CORIN: variants seen among roughly 807,000 people sequenced by gnomAD.
CORIN encodes the protein atrial natriuretic peptide-converting enzyme.
Under a neutral mutation model 125.3 loss-of-function variants are expected in CORIN, and 117 were observed. The ratio of observed to expected loss-of-function variants is 0.93; its 90% CI spans 0.80 to 1.09. The LOEUF is 1.09. Ranked by LOEUF, CORIN falls within the 50% of genes least tolerant of loss-of-function variation. The pLI, the probability that CORIN is intolerant of heterozygous loss-of-function variation, is 0.00. For missense variants in CORIN, 1,253 were observed against 1,306.7 expected (o/e 0.96, Z 0.63); for synonymous variants, 450 against 466.4 (o/e 0.96, Z 0.45).
intron 19 of CORIN, among the ~76,000 whole-genome samples, chr4:47,615,498 A>G (rs1326507449): frequency 6.6e-6 from 1 of 152,176 alleles, no homozygotes; most frequent in Admixed American, 6.6e-5. Context: ...GGAAATAGGG[A>G]CTTTATGGAG....
chr4:47,756,755 A>C (rs1418567181), intron 4 of CORIN, among the ~76,000 whole-genome samples: 1 of 152,236 alleles, frequency 6.6e-6, no homozygotes, highest in Non-Finnish European at 1.5e-5. Flanking sequence ...AAATTCTTAA[A>C]GTTAAAATCT....
At chr4:47,740,362 T>C (rs573499754) in intron 5 of CORIN, among the ~76,000 whole-genome samples, 1 of 152,060 alleles carries the variant, frequency 6.6e-6, no homozygotes, top group Admixed American at 6.5e-5. Context: ...TACTCATTAT[T>C]GACAGTGGAA....
chr4:47,757,878 G>GCA (rs1729238233), intron 4 of CORIN, among the ~76,000 whole-genome samples: 1 of 123,926 alleles, frequency 8.1e-6, no homozygotes. Flanking sequence ...ATATATATAT[G>GCA]TATATATATA....
At chr4:47,744,670 G>A (rs1458597386) in intron 4 of CORIN, 87 bp from the exon 5 acceptor site, 3 of 1,248,008 alleles carry the variant, frequency 2.4e-6, no homozygotes, top group African/African-American at 1.5e-5. Context: ...TAGCCCCTGT[G>A]TTGTGATATT....
At chr4:47,754,726 AT>A (rs1168593619) in intron 4 of CORIN, among the ~76,000 whole-genome samples, 1 of 152,058 alleles carries the variant, frequency 6.6e-6, no homozygotes, top group Non-Finnish European at 1.5e-5. Context: ...AGAAACTGAG[AT>A]TTGCACTGAA....
At chr4:47,728,004 G>C (rs980673474) in intron 5 of CORIN, among the ~76,000 whole-genome samples, 4 of 152,088 alleles carry the variant, frequency 2.6e-5, no homozygotes, top group African/African-American at 9.7e-5. Context: ...TTAACTTTTT[G>C]TTTAAATGTG....
intron 6 of CORIN, among the ~76,000 whole-genome samples, chr4:47,689,111 C>A (rs535271070): frequency 6.6e-6 from 1 of 152,260 alleles, no homozygotes; most frequent in African/African-American, 2.4e-5. Context: ...GCTGTCCCCA[C>A]GACTTCCAGT....
chr4:47,613,296 T>C (rs1721939759), intron 19 of CORIN, among the ~76,000 whole-genome samples: 1 of 152,026 alleles, frequency 6.6e-6, no homozygotes, highest in African/African-American at 2.4e-5. Context: ...CTACTAAAAA[T>C]GCAAAAATTA....
In CORIN at chr4:47,630,495, CCTAA is replaced by C. The variant is rs1481052135; in HGVS notation, c.2199-3978_2199-3975del. 2.6e-5 allele frequency among the ~76,000 whole-genome samples: 4 copies of C among 152,146 alleles called. 1 individual carries two copies. The highest frequency in any genetic ancestry group is 4.1e-4 in the South Asian group (2 of 4,828). On this transcript the variant is annotated intron_variant, in intron 16 of 21. Coordinates refer to ENST00000273857, the MANE Select transcript of CORIN (RefSeq NM_006587.4). ...AATTTAAGCATCAAAGTCACTGTAT[CCTAA>C]CTGAGTCTGTGCAGGTAATACAGAC...
intron 6 of CORIN, among the ~76,000 whole-genome samples, chr4:47,684,984 T>C (rs188970650): frequency 2.4e-4 from 37 of 152,130 alleles, no homozygotes; most frequent in African/African-American, 8.9e-4. Context: ...TAACTACACA[T>C]CCCTTAAAAT....
intron 5 of CORIN, chr4:47,706,925 T>C (rs1341211855): frequency 4.4e-6 from 7 of 1,599,786 alleles, no homozygotes; most frequent in Non-Finnish European, 5.9e-6. Context: ...CCACACTATT[T>C]GTGGTTCTCG....
intron 11 of CORIN, among the ~76,000 whole-genome samples, chr4:47,664,735 T>C (rs919393233): frequency 1.3e-5 from 2 of 152,106 alleles, no homozygotes; most frequent in Non-Finnish European, 2.9e-5. Flanking sequence ...CATACTTTTT[T>C]AAAAAAATGG....
At position 47,806,899 on chromosome 4, in the gene CORIN, C is replaced by A; in HGVS notation, c.208+4G>T. 1 of 1,609,444 alleles carries A rather than the reference C, an allele frequency of 6.2e-7. No individual in the cohort carries two copies. Among genetic ancestry groups the A allele is most frequent in the South Asian group, 1.1e-5 (1 of 90,018 alleles). The stretch of plus-strand genomic sequence containing the variant: ...CATTTTTATTTAATAATGGCCTCAC[C>A]CACCAACATAGGAAAGCAGGATCAC... On this transcript the variant is annotated splice_donor_region_variant and intron_variant, in intron 2 of 21. Coordinates refer to ENST00000273857, the MANE Select transcript of CORIN (RefSeq NM_006587.4).
intron 3 of CORIN, among the ~76,000 whole-genome samples, chr4:47,782,078 CA>C (rs1380785094): frequency 1.3e-5 from 2 of 151,724 alleles, no homozygotes; most frequent in Admixed American, 1.3e-4. Flanking sequence ...ATGTCTGACG[CA>C]AAAAATTGAT....
intron 13 of CORIN, among the ~76,000 whole-genome samples, chr4:47,647,113 A>G (rs1289395791): frequency 6.6e-6 from 1 of 152,170 alleles, no homozygotes; most frequent in East Asian, 1.9e-4. Flanking sequence ...GACATTATTT[A>G]GAGTTTTCAG....
At chr4:47,726,226 A>G (rs1727589022) in intron 5 of CORIN, among the ~76,000 whole-genome samples, 1 of 152,112 alleles carries the variant, frequency 6.6e-6, no homozygotes, top group Non-Finnish European at 1.5e-5. Context: ...TATTCATCTT[A>G]GAGAAATTTG....
chr4:47,770,571 A>C (rs935976844), intron 3 of CORIN, among the ~76,000 whole-genome samples: 1 of 152,132 alleles, frequency 6.6e-6, no homozygotes, highest in African/African-American at 2.4e-5. Context: ...AGAAATCTAC[A>C]CTCCCATGTT....
intron 3 of CORIN, among the ~76,000 whole-genome samples, chr4:47,782,789 G>T (rs925759121): frequency 3.3e-5 from 5 of 152,056 alleles, no homozygotes; most frequent in African/African-American, 1.2e-4. Flanking sequence ...ATAAAAGAAG[G>T]CAGATACAAA....
At position 47,653,468 on chromosome 4, in the gene CORIN, G is replaced by A. The variant is rs1723826050; in HGVS notation, c.1843+85C>T. ...ATTGAATCCTAGTCCTACTATCAGT[G>A]AATAGTTTCCATTTTTAACACAGTT... On this transcript the variant is annotated intron_variant, in intron 13 of 21. Coordinates refer to ENST00000273857, the MANE Select transcript of CORIN (RefSeq NM_006587.4). 4 of 1,039,146 alleles carry A rather than the reference G, an allele frequency of 3.8e-6. No individual in the cohort carries two copies. The East Asian group carries it at 9.7e-5, about 25-fold the overall frequency. 64.4% of individuals were successfully genotyped at this position (1,039,146 alleles called of 1,614,324 possible). A position where few individuals can be genotyped will look rare whatever the true frequency, so the allele number is the denominator to read the frequency against.
Sources: gnomAD v4.1 joint callset for allele counts (sites outside exome capture counted in the v4.1 genomes callset) on GRCh38, gnomAD v4.1.1 for gene constraint, MANE v1.5 for transcripts, NCBI Gene and HGNC (gene_info 2026-07-23, HGNC 2026-07-21) for gene names.